Variants in PRR5L observed in about 807,000 individuals in gnomAD.
The protein encoded by PRR5L is proline rich 5 like, also known as proline-rich protein 5-like.
A neutral mutation model predicts 36.4 loss-of-function variants in PRR5L; 21 were observed. The observed-to-expected ratio is 0.58, with a 90% CI of 0.41 to 0.83. The LOEUF is 0.83. Ranked by LOEUF, PRR5L falls within the 40% of genes least tolerant of loss-of-function variation. The probability of loss-of-function intolerance (pLI) is 0.00; values close to 1 mark genes in which losing one functional copy is unlikely to be tolerated. For missense variants in PRR5L, 381 were observed against 473.3 expected, an observed-to-expected ratio of 0.80 and a Z score of 1.81; for synonymous variants, 188 against 197.0, an observed-to-expected ratio of 0.95 and a Z score of 0.38.
At chr11:36,450,891 C>T (rs532670052) in intron 7 of PRR5L, among the ~76,000 whole-genome samples, 5 of 152,342 alleles carry the variant, frequency 3.3e-5, no homozygotes, top group East Asian at 3.9e-4. Flanking sequence ...GAACCAGTCA[C>T]GATGACAGTA....
At chr11:36,411,819 T>C (rs983387412) in intron 3 of PRR5L, among the ~76,000 whole-genome samples, 1 of 152,164 alleles carries the variant, frequency 6.6e-6, no homozygotes, top group Non-Finnish European at 1.5e-5. Flanking sequence ...TATTACCTGC[T>C]TTATGAATTT....
At chr11:36,309,264 A>G (rs553805217) in intron 1 of PRR5L, among the ~76,000 whole-genome samples, 33 of 152,346 alleles carry the variant, frequency 2.2e-4, no homozygotes, top group Non-Finnish European at 3.4e-4. Context: ...ACAAGCATCA[A>G]CGCCAAGAAA....
chr11:36,397,648 G>C (rs759549233), intron 1 of PRR5L, among the ~76,000 whole-genome samples: 1 of 151,290 alleles, frequency 6.6e-6, no homozygotes, highest in Non-Finnish European at 1.5e-5. Context: ...ATAGAGACAG[G>C]GTTTTGCCAT....
At chr11:36,436,543 CT>C (rs748061423) in intron 5 of PRR5L, among the ~76,000 whole-genome samples, 2 of 152,198 alleles carry the variant, frequency 1.3e-5, no homozygotes, top group Non-Finnish European at 2.9e-5. Flanking sequence ...TGCAGATGGC[CT>C]TTTCAGAGAA....
intron 6 of PRR5L, among the ~76,000 whole-genome samples, chr11:36,441,766 T>A (rs1858727490): frequency 6.6e-6 from 1 of 152,110 alleles, no homozygotes; most frequent in Non-Finnish European, 1.5e-5. Context: ...TTTCTATACA[T>A]CTTCTGAAAT....
chr11:36,317,088 C>T (rs576991828), intron 1 of PRR5L, among the ~76,000 whole-genome samples: 1 of 152,306 alleles, frequency 6.6e-6, no homozygotes, highest in South Asian at 2.1e-4. Context: ...CCCAAACCAA[C>T]ACTTTCCAGA....
At chr11:36,394,009 A>G (rs1025361396) in intron 1 of PRR5L, 1 of 152,222 alleles carries the variant, frequency 6.6e-6, no homozygotes, top group Non-Finnish European at 1.5e-5. Flanking sequence ...AGCCTCCAGA[A>G]CTGTAAGAAA....
At chr11:36,372,561 C>T (rs1857207840) in intron 1 of PRR5L, among the ~76,000 whole-genome samples, 1 of 152,192 alleles carries the variant, frequency 6.6e-6, no homozygotes, top group Non-Finnish European at 1.5e-5. Context: ...CTGGCCCCTT[C>T]TAACTATGTG....
intron 1 of PRR5L, among the ~76,000 whole-genome samples, chr11:36,375,234 CA>C (rs35932528): frequency 0.9 from 126,979 of 140,762 alleles, 58,107 homozygotes; most frequent in Non-Finnish European, 0.99. Flanking sequence ...GAAACTGTCT[CA>C]AAAAAAAAAA....
At chr11:36,327,216 G>A (rs574337250) in intron 1 of PRR5L, among the ~76,000 whole-genome samples, 4 of 152,144 alleles carry the variant, frequency 2.6e-5, no homozygotes, top group Admixed American at 6.5e-5. Flanking sequence ...GATGCCCACC[G>A]AACTGAATGG....
intron 1 of PRR5L, among the ~76,000 whole-genome samples, chr11:36,345,130 G>A (rs1856851526): frequency 6.6e-6 from 1 of 152,082 alleles, no homozygotes. Flanking sequence ...TTGGCCCGTG[G>A]GACTGATGGT....
At chr11:36,299,975 C>G (rs1212495794) in intron 1 of PRR5L, among the ~76,000 whole-genome samples, 1 of 152,180 alleles carries the variant, frequency 6.6e-6, no homozygotes, top group African/African-American at 2.4e-5. Context: ...CAGGAGCTTT[C>G]TTAAGTATGT....
In PRR5L at chr11:36,325,047, G is replaced by C. The variant is rs528596706; in HGVS notation, c.-126+28609G>C. ...GCTGCTTCCAAAATGGCGGCAGGTC[G>C]CTTCCAACATGGTGGCAAGCCTCGT... On this transcript the variant is annotated intron_variant, in intron 1 of 8. Coordinates refer to ENST00000530639, the MANE Select transcript of PRR5L (RefSeq NM_001160167.2). Among the ~76,000 whole-genome samples the C allele has an allele frequency of 9.4e-4, 143 of 152,200 alleles. 1 individual carries two copies. The highest frequency in any genetic ancestry group is 1.6e-3 in the Non-Finnish European group (107 of 68,008).
At chr11:36,426,709 G>A (rs1858390379) in intron 4 of PRR5L, among the ~76,000 whole-genome samples, 1 of 152,186 alleles carries the variant, frequency 6.6e-6, no homozygotes, top group Non-Finnish European at 1.5e-5. Flanking sequence ...GAGAAGGCAG[G>A]AAAAGACTGT....
At chr11:36,397,939 G>A (rs58873983) in intron 1 of PRR5L, among the ~76,000 whole-genome samples, 2,074 of 152,140 alleles carry the variant, frequency 0.014, 39 homozygotes, top group African/African-American at 0.048. Context: ...GGGATTAAAG[G>A]CATGCGCCCC....
intron 1 of PRR5L, chr11:36,376,627 AGGCGCGC>A: frequency 1.0e-6 from 1 of 993,844 alleles, no homozygotes; most frequent in Non-Finnish European, 1.2e-6. Flanking sequence ...ACTTTTTCCT[AGGCGCGC>A]GGAGTCTGGG....
chr11:36,423,888 G>A (rs747643531), intron 4 of PRR5L, among the ~76,000 whole-genome samples: 94 of 152,306 alleles, frequency 6.2e-4, no homozygotes, highest in African/African-American at 1.9e-3. Flanking sequence ...TGTGAGGGGC[G>A]AGAATGAGGG....
intron 1 of PRR5L, among the ~76,000 whole-genome samples, chr11:36,339,257 C>A (rs556067642): frequency 1.3e-5 from 2 of 152,330 alleles, no homozygotes; most frequent in South Asian, 4.1e-4. Context: ...CCACACCCAG[C>A]TAATTTTTGT....
chr11:36,350,365 AGTG>A (rs1856916693), intron 1 of PRR5L, among the ~76,000 whole-genome samples: 1 of 151,346 alleles, frequency 6.6e-6, no homozygotes, highest in Non-Finnish European at 1.5e-5. Context: ...GGGAGGAGGA[AGTG>A]GTGGAGAAGT....
Sources: allele counts gnomAD v4.1 joint callset (sites outside exome capture counted in the v4.1 genomes callset), GRCh38; gene constraint gnomAD v4.1.1; transcripts MANE v1.5; gene names NCBI Gene and HGNC (gene_info 2026-07-23, HGNC 2026-07-21).